The following UROC1 variants were observed in gnomAD, a reference collection of about 807,000 sequenced individuals.
UROC1 encodes the protein urocanate hydratase 1.
In UROC1, 79 loss-of-function variants were observed where a neutral mutation model predicts 89.5. That is an observed-to-expected ratio of 0.88 (90% CI 0.74 to 1.06). The LOEUF (loss-of-function observed/expected upper bound fraction) is 1.06. UROC1 is among the 50% of genes least tolerant of loss of function. The pLI is 0.00. For synonymous variants in UROC1, 361 were observed against 354.8 expected (o/e 1.02, Z -0.20); for missense variants, 885 against 907.8 (o/e 0.97, Z 0.32).
chr3:126,492,417 C>A lies in UROC1; in HGVS notation c.1608+1G>T, dbSNP rs752441072. The A allele has an allele frequency of 9.3e-6, 15 of 1,613,166 alleles. No homozygotes were observed. In the Admixed American group the frequency reaches 1.5e-4, roughly 16 times the overall value. ...TTCCCCCAGAGCACAGGACACCTCACCTTGATCCTCCTGCAGGCGATGGCC... is the reference window on the plus strand; with the variant it reads ...TTCCCCCAGAGCACAGGACACCTCAACTTGATCCTCCTGCAGGCGATGGCC... On this transcript the variant is annotated splice_donor_variant, in intron 16 of 19. Transcript: ENST00000290868. LOFTEE classifies it high-confidence loss of function.
chr3:126,490,177 G>C (rs1335972740), intron 16 of UROC1, among the ~76,000 whole-genome samples: 1 of 152,236 alleles, frequency 6.6e-6, no homozygotes, highest in Admixed American at 6.5e-5. Context: ...TTCGCACAGA[G>C]AAAGCATTCA....
At chr3:126,496,228 G>T (rs1282326797) in intron 14 of UROC1, 120 bp from the exon 15 acceptor site, 6 of 1,008,356 alleles carry the variant, frequency 6.0e-6, no homozygotes, top group Non-Finnish European at 9.1e-6. Context: ...AGGACACAAG[G>T]TGAGGGAGCC....
In UROC1 at chr3:126,505,571, G is replaced by A. The variant is rs923597310; in HGVS notation, c.813+130C>T. 2.9e-5 allele frequency: 42 copies of A among 1,431,266 alleles called. No individual in the cohort carries two copies. The African/African-American group carries it at 4.4e-4, about 15-fold the overall frequency. 88.7% of individuals were successfully genotyped at this position (1,431,266 alleles called of 1,614,324 possible). ...GGTCCAGTGGGGCTTCGTGGAGGAG[G>A]CAAGGGTGGCCTGGGCAAGGAAGGA... On this transcript the variant is annotated intron_variant, in intron 8 of 19. Coordinates refer to ENST00000290868, the MANE Select transcript of UROC1 (RefSeq NM_144639.3).
intron 17 of UROC1, among the ~76,000 whole-genome samples, 189 bp downstream of exon 17, chr3:126,489,087 C>T (rs901976818): frequency 6.6e-6 from 1 of 152,182 alleles, no homozygotes; most frequent in Non-Finnish European, 1.5e-5. Flanking sequence ...GCCCGGTGTG[C>T]CTGGCACTTA....
chr3:126,491,450 C>T (rs974660050), intron 16 of UROC1, among the ~76,000 whole-genome samples: 2 of 152,230 alleles, frequency 1.3e-5, no homozygotes, highest in African/African-American at 4.8e-5. Flanking sequence ...CAGCCCGGGG[C>T]GAGTGCGCCT....
At chr3:126,496,444 G>T (rs1320092916) in intron 14 of UROC1, among the ~76,000 whole-genome samples, 1 of 152,252 alleles carries the variant, frequency 6.6e-6, no homozygotes, top group Non-Finnish European at 1.5e-5. Context: ...GGACTGTGTT[G>T]AGGGCTCCCC....
chr3:126,501,856 G>A (rs1935930205), intron 9 of UROC1: 8 of 1,599,378 alleles, frequency 5.0e-6, no homozygotes, highest in Admixed American at 1.7e-5. Flanking sequence ...CCCCAGGGGT[G>A]CAAGGTTGAC....
chr3:126,515,143 C>CGGGAGCTGATCACAGCCACA (rs1161191701), intron 1 of UROC1, among the ~76,000 whole-genome samples: 7 of 151,570 alleles, frequency 4.6e-5, no homozygotes, highest in South Asian at 2.1e-4. Flanking sequence ...CAAGACACCC[C>CGGGAGCTGATCACAGCCACA]GGGAGCTGAT....
chr3:126,498,589 G>A (rs56382448), intron 13 of UROC1, among the ~76,000 whole-genome samples: 1 of 151,842 alleles, frequency 6.6e-6, no homozygotes. Context: ...GTCCTGGGGG[G>A]AGGATGCCGT....
At chr3:126,483,220 C>A in intron 19 of UROC1, 149 bp downstream of exon 19, 1 of 737,142 alleles carries the variant, frequency 1.4e-6, no homozygotes, top group Non-Finnish European at 2.4e-6. Flanking sequence ...TGAGCTGATT[C>A]CCCCTTCCTG....
In UROC1 at chr3:126,492,903, G is replaced by A. The variant is rs557345554; in HGVS notation, c.1510-387C>T. Among the ~76,000 whole-genome samples, 3 of 152,352 alleles carry A rather than the reference G, an allele frequency of 2.0e-5. No homozygotes were observed. The South Asian group carries it at 6.2e-4, about 32-fold the overall frequency. On this transcript the variant is annotated intron_variant, in intron 15 of 19. Transcript: ENST00000290868. Reference sequence around the variant, plus strand: ...ATGACATCAACGCCATCCAGGGCAAGTTTGCGTTGGGCCTGCCCCACTCTC... The same window carrying A: ...ATGACATCAACGCCATCCAGGGCAAATTTGCGTTGGGCCTGCCCCACTCTC...
At chr3:126,513,200 G>A (rs969390384) in intron 1 of UROC1, among the ~76,000 whole-genome samples, 1 of 151,682 alleles carries the variant, frequency 6.6e-6, no homozygotes, top group Non-Finnish European at 1.5e-5. Flanking sequence ...ATTCTAACCT[G>A]GCAGTCAGCT....
At chr3:126,497,122 G>A (rs1051097009) in intron 14 of UROC1, among the ~76,000 whole-genome samples, 7 of 151,990 alleles carry the variant, frequency 4.6e-5, no homozygotes, top group South Asian at 2.1e-4. Context: ...AGGTGACCAC[G>A]TCTCCCCTCT....
chr3:126,501,823 G>C (rs927026207), intron 9 of UROC1: 29 of 1,599,352 alleles, frequency 1.8e-5, no homozygotes, highest in Non-Finnish European at 2.2e-5. Context: ...GGAGAAGCCC[G>C]AGGGAGCCAG....
intron 16 of UROC1, among the ~76,000 whole-genome samples, chr3:126,490,421 T>TC (rs1935616857): frequency 6.6e-6 from 1 of 152,178 alleles, no homozygotes; most frequent in South Asian, 2.1e-4. Context: ...GCACAGTGGC[T>TC]CATTCTTGTA....
chr3:126,492,296 G>A, intron 16 of UROC1, 122 bp downstream of exon 16: 1 of 945,318 alleles, frequency 1.1e-6, no homozygotes. Flanking sequence ...AGGCCCAACG[G>A]GGGTGTCTCC....
At chr3:126,499,463 C>T in intron 12 of UROC1, 54 bp from the exon 13 acceptor site, 2 of 1,551,380 alleles carry the variant, frequency 1.3e-6, no homozygotes, top group Non-Finnish European at 1.8e-6. Context: ...CATGGCCACC[C>T]TAGATGGCAA....
chr3:126,517,472 G>A, intron 1 of UROC1, 122 bp downstream of exon 1: 2 of 1,478,846 alleles, frequency 1.4e-6, no homozygotes, highest in Non-Finnish European at 1.9e-6. Context: ...TGGAGCCCCT[G>A]GAGTCCAGGG....
chr3:126,506,013 T>C lies in UROC1; in HGVS notation c.603-2A>G, dbSNP rs1350158649. On this transcript the variant is annotated splice_acceptor_variant, in intron 6 of 19. Transcript: ENST00000290868. LOFTEE classifies it high-confidence loss of function. ...CTACCTGCTGTCATCTGGCCGTACC[T>C]GACCACAGGGAGAGAAGCCAAGCCC... The C allele has an allele frequency of 1.9e-6, 3 of 1,613,326 alleles. No individual in the cohort carries two copies. Among genetic ancestry groups the C allele is most frequent in the Admixed American group, 1.7e-5 (1 of 60,022 alleles).
Sources: gnomAD v4.1 joint callset for allele counts (sites outside exome capture counted in the v4.1 genomes callset) on GRCh38, gnomAD v4.1.1 for gene constraint, MANE v1.5 for transcripts, NCBI Gene and HGNC (gene_info 2026-07-23, HGNC 2026-07-21) for gene names.